RERG: variants seen among roughly 807,000 people sequenced by gnomAD.
RERG encodes the protein RAS like estrogen regulated growth inhibitor, also known as ras-related and estrogen-regulated growth inhibitor.
Under a neutral mutation model 23.2 loss-of-function variants are expected in RERG, and 25 were observed. That is an observed-to-expected ratio of 1.08 (90% confidence interval 0.79 to 1.50). The LOEUF (loss-of-function observed/expected upper bound fraction) is 1.50. Ranked by LOEUF, RERG falls within the 40% of genes most tolerant of loss-of-function variation. The pLI, the probability that RERG is intolerant of heterozygous loss-of-function variation, is 0.00. For missense variants in RERG, 253 were observed against 250.1 expected, an observed-to-expected ratio of 1.01 and a Z score of -0.08; for synonymous variants, 81 against 89.1, an observed-to-expected ratio of 0.91 and a Z score of 0.51.
At chr12:15,142,778 TA>T (rs901380551) in intron 2 of RERG, among the ~76,000 whole-genome samples, 7 of 152,040 alleles carry the variant, frequency 4.6e-5, no homozygotes, top group South Asian at 4.2e-4. Context: ...TTAAACCACC[TA>T]AAAAAAACCC....
intron 2 of RERG, among the ~76,000 whole-genome samples, chr12:15,191,360 A>T (rs1262994427): frequency 1.3e-5 from 2 of 152,070 alleles, no homozygotes; most frequent in African/African-American, 4.8e-5. Context: ...CCTTTCTGAG[A>T]CCTCTGAAAT....
chr12:15,143,138 T>C (rs1026721416), intron 2 of RERG, among the ~76,000 whole-genome samples: 1 of 152,168 alleles, frequency 6.6e-6, no homozygotes, highest in Non-Finnish European at 1.5e-5. Flanking sequence ...TAGTAACTAT[T>C]ACCAAACACA....
chr12:15,137,070 T>C (rs1864156126), intron 2 of RERG, among the ~76,000 whole-genome samples: 1 of 151,908 alleles, frequency 6.6e-6, no homozygotes, highest in Non-Finnish European at 1.5e-5. Flanking sequence ...ACCTCACACA[T>C]TTTAATATAT....
rs373514997 is a variant in RERG at position 15,109,071 on chromosome 12, G to C, written c.*39C>G. On this transcript the variant is annotated 3_prime_UTR_variant, in exon 5 of 5. Coordinates refer to ENST00000256953, the MANE Select transcript of RERG (RefSeq NM_032918.3). Reference sequence around the variant, plus strand: ...TTTTGAAAGGGGAACAGAAGGGGAAGAGTGTTTCCAATTAGTTGGTCCACC... The same window carrying C: ...TTTTGAAAGGGGAACAGAAGGGGAACAGTGTTTCCAATTAGTTGGTCCACC... The C allele has an allele frequency of 6.7e-7, 1 of 1,495,004 alleles. No individual in the cohort carries two copies. Among genetic ancestry groups the C allele is most frequent in the Non-Finnish European group, 9.0e-7 (1 of 1,114,066 alleles). 92.6% of individuals were successfully genotyped at this position (1,495,004 alleles called of 1,614,324 possible).
intron 2 of RERG, among the ~76,000 whole-genome samples, chr12:15,201,607 TA>T (rs1430681298): frequency 6.7e-6 from 1 of 149,018 alleles, no homozygotes; most frequent in Non-Finnish European, 1.5e-5. Context: ...TTAACAATAA[TA>T]ATAATTAGCT....
chr12:15,169,236 A>G (rs1206004474), intron 2 of RERG, among the ~76,000 whole-genome samples: 1 of 152,186 alleles, frequency 6.6e-6, no homozygotes, highest in Non-Finnish European at 1.5e-5. Context: ...GTGATGGTTA[A>G]TTTTATGCAT....
chr12:15,123,720 C>T (rs1225952997), intron 2 of RERG, among the ~76,000 whole-genome samples: 4 of 151,292 alleles, frequency 2.6e-5, no homozygotes, highest in African/African-American at 7.3e-5. Context: ...TAAAGATTGA[C>T]CTAATTTCCT....
intron 2 of RERG, among the ~76,000 whole-genome samples, chr12:15,137,438 CTTT>C (rs535377309): frequency 1.3e-5 from 2 of 151,706 alleles, no homozygotes; most frequent in East Asian, 1.9e-4. Context: ...TGCCTTTCTT[CTTT>C]GTTTCTATTT....
At chr12:15,211,506 C>T (rs1865366031) in intron 2 of RERG, among the ~76,000 whole-genome samples, 1 of 152,048 alleles carries the variant, frequency 6.6e-6, no homozygotes, top group Admixed American at 6.6e-5. Flanking sequence ...GAGAGTGGAA[C>T]AGTGGTTAAC....
At chr12:15,118,080 T>A (rs922562863) in intron 3 of RERG, among the ~76,000 whole-genome samples, 2 of 152,158 alleles carry the variant, frequency 1.3e-5, no homozygotes, top group Non-Finnish European at 2.9e-5. Context: ...AACACTCGGA[T>A]GTTAAAGCAA....
chr12:15,177,456 GA>G (rs202101003), intron 2 of RERG, among the ~76,000 whole-genome samples: 6 of 149,750 alleles, frequency 4.0e-5, no homozygotes, highest in East Asian at 1.9e-4. Context: ...CTGCCTCAAA[GA>G]AAAAAAAAAT....
intron 2 of RERG, among the ~76,000 whole-genome samples, chr12:15,125,858 C>T (rs1863927766): frequency 6.6e-6 from 1 of 151,672 alleles, no homozygotes; most frequent in Non-Finnish European, 1.5e-5. Flanking sequence ...TAAATATTTA[C>T]ACATGTATCT....
intron 2 of RERG, among the ~76,000 whole-genome samples, chr12:15,164,886 T>C (rs937542925): frequency 1.3e-5 from 2 of 152,222 alleles, no homozygotes; most frequent in Non-Finnish European, 2.9e-5. Flanking sequence ...AAGGGTATTA[T>C]TGAAGTTTTC....
intron 2 of RERG, among the ~76,000 whole-genome samples, chr12:15,182,479 G>A (rs1034898767): frequency 6.6e-6 from 1 of 152,136 alleles, no homozygotes; most frequent in Non-Finnish European, 1.5e-5. Context: ...GCTAGGAAGA[G>A]TTTCAAAGGT....
At chr12:15,141,773 C>T (rs1027570662) in intron 2 of RERG, among the ~76,000 whole-genome samples, 2 of 152,180 alleles carry the variant, frequency 1.3e-5, no homozygotes, top group Non-Finnish European at 2.9e-5. Context: ...AAGCTCGTTC[C>T]ATTTCAAGGC....
chr12:15,158,453 T>C (rs547916392), intron 2 of RERG, among the ~76,000 whole-genome samples: 1 of 152,170 alleles, frequency 6.6e-6, no homozygotes, highest in East Asian at 1.9e-4. Context: ...GGCTAATTTT[T>C]GCATTTTTTT....
intron 2 of RERG, among the ~76,000 whole-genome samples, chr12:15,197,737 G>A (rs1260454365): frequency 6.6e-6 from 1 of 152,180 alleles, no homozygotes; most frequent in African/African-American, 2.4e-5. Flanking sequence ...TTTTAGGAAT[G>A]TGAGCCTTGC....
intron 2 of RERG, among the ~76,000 whole-genome samples, chr12:15,124,494 A>C (rs576512148): frequency 6.6e-6 from 1 of 152,228 alleles, no homozygotes; most frequent in African/African-American, 2.4e-5. Flanking sequence ...GCTACCTTTC[A>C]GTATCATACT....
At chr12:15,174,606 C>G (rs1864821671) in intron 2 of RERG, among the ~76,000 whole-genome samples, 1 of 151,792 alleles carries the variant, frequency 6.6e-6, no homozygotes, top group Non-Finnish European at 1.5e-5. Context: ...TACACATATA[C>G]ATTTGTATAC....
Sources: allele counts gnomAD v4.1 joint callset (sites outside exome capture counted in the v4.1 genomes callset), GRCh38; gene constraint gnomAD v4.1.1; transcripts MANE v1.5; gene names NCBI Gene and HGNC (gene_info 2026-07-23, HGNC 2026-07-21).